CNTNAP2: variants seen among roughly 807,000 people sequenced by gnomAD.
CNTNAP2 encodes contactin-associated protein-like 2.
CNTNAP2 carries 98 observed loss-of-function variants against 155.2 expected under a neutral mutation model. The ratio of observed to expected loss-of-function variants is 0.63; its 90% CI spans 0.54 to 0.75. The LOEUF (loss-of-function observed/expected upper bound fraction) is 0.75, where lower values mean the gene tolerates loss of function less well. CNTNAP2 is among the 30% of genes least tolerant of loss of function. CNTNAP2 has a pLI of 0.00. For missense variants in CNTNAP2, 1,727 were observed against 1,688.1 expected, an observed-to-expected ratio of 1.02 and a Z score of -0.40; for synonymous variants, 651 against 631.2, an observed-to-expected ratio of 1.03 and a Z score of -0.47.
intron 13 of CNTNAP2, among the ~76,000 whole-genome samples, chr7:147,772,659 C>T (rs1489155657): frequency 6.6e-6 from 1 of 151,478 alleles, no homozygotes; most frequent in Non-Finnish European, 1.5e-5. Flanking sequence ...TCTCTGACAC[C>T]ATTGCCTTCT....
chr7:147,031,520 A>G (rs1799032096), intron 3 of CNTNAP2, among the ~76,000 whole-genome samples: 1 of 152,230 alleles, frequency 6.6e-6, no homozygotes, highest in Admixed American at 6.5e-5. Flanking sequence ...ACACAGAAAA[A>G]TAGAAATGTG....
In CNTNAP2 at chr7:146,565,541, T is replaced by G. The variant is rs143557705; in HGVS notation, c.98-208730T>G. On this transcript the variant is annotated intron_variant, in intron 1 of 23. Coordinates refer to ENST00000361727, the MANE Select transcript of CNTNAP2 (RefSeq NM_014141.6). ...AAGGAACTCACATTGCTACGCTTTT[T>G]TATTCTGTTTGAAGTGATTTGCTTT... Among the ~76,000 whole-genome samples, 635 of 152,310 alleles carry G rather than the reference T, an allele frequency of 4.2e-3. 8 individuals are homozygous for G. Among genetic ancestry groups the G allele is most frequent in the African/African-American group, 0.014 (598 of 41,578 alleles).
At chr7:147,778,031 G>T (rs542492553) in intron 13 of CNTNAP2, among the ~76,000 whole-genome samples, 3 of 151,902 alleles carry the variant, frequency 2.0e-5, no homozygotes, top group African/African-American at 7.3e-5. Flanking sequence ...CTCTCCTATG[G>T]AACTTTTTAC....
intron 13 of CNTNAP2, among the ~76,000 whole-genome samples, chr7:147,670,735 G>A (rs1464509957): frequency 2.0e-5 from 3 of 152,086 alleles, no homozygotes; most frequent in Admixed American, 1.3e-4. Context: ...TAAAATCCCC[G>A]ACAGTTGCCA....
At chr7:148,283,330 A>G (rs1027195060) in intron 21 of CNTNAP2, among the ~76,000 whole-genome samples, 3 of 128,790 alleles carry the variant, frequency 2.3e-5, no homozygotes, top group Non-Finnish European at 4.9e-5. Context: ...GAAAGAAAGA[A>G]AGAATTCTTA....
At chr7:146,780,548 G>A (rs1317238972) in intron 2 of CNTNAP2, among the ~76,000 whole-genome samples, 1 of 151,974 alleles carries the variant, frequency 6.6e-6, no homozygotes, top group Non-Finnish European at 1.5e-5. Context: ...TCTCATTGTG[G>A]TTTGATTTGC....
intron 8 of CNTNAP2, among the ~76,000 whole-genome samples, chr7:147,165,929 T>C (rs1802104855): frequency 6.6e-6 from 1 of 152,124 alleles, no homozygotes; most frequent in Non-Finnish European, 1.5e-5. Flanking sequence ...ACACTGCTGG[T>C]GGGAATGTAA....
chr7:147,225,862 AGAAGGAAGGAGGGAAAGAAGGAAG>A (rs1464260145), intron 8 of CNTNAP2, among the ~76,000 whole-genome samples: 5 of 132,356 alleles, frequency 3.8e-5, no homozygotes, highest in African/African-American at 1.4e-4. Context: ...AAGGAGGGAA[AGAAGGAAGGAGGGAAAGAAGGAAG>A]GAAGGAAGGA....
intron 1 of CNTNAP2, among the ~76,000 whole-genome samples, chr7:146,324,811 T>G (rs1372710405): frequency 6.6e-6 from 1 of 152,006 alleles, no homozygotes; most frequent in East Asian, 1.9e-4. Flanking sequence ...ATAAAACTAT[T>G]TTATCAAAAC....
At chr7:147,616,758 T>C (rs374977225) in intron 12 of CNTNAP2, among the ~76,000 whole-genome samples, 2 of 152,308 alleles carry the variant, frequency 1.3e-5, no homozygotes, top group South Asian at 4.1e-4. Context: ...CTGCTTCCCA[T>C]GTTTGAAACT....
At chr7:147,563,696 T>C (rs1186308614) in intron 12 of CNTNAP2, among the ~76,000 whole-genome samples, 1 of 152,178 alleles carries the variant, frequency 6.6e-6, no homozygotes, top group Admixed American at 6.5e-5. Flanking sequence ...AACTGAATTA[T>C]ATGCAGCCCA....
intron 13 of CNTNAP2, among the ~76,000 whole-genome samples, chr7:147,825,907 A>G (rs894794076): frequency 6.6e-6 from 1 of 152,146 alleles, no homozygotes; most frequent in African/African-American, 2.4e-5. Flanking sequence ...AAAATATAAG[A>G]AAAAGGGCAA....
At chr7:146,847,149 G>A (rs979639523) in intron 3 of CNTNAP2, among the ~76,000 whole-genome samples, 1 of 151,668 alleles carries the variant, frequency 6.6e-6, no homozygotes, top group African/African-American at 2.4e-5. Context: ...TTGATAAATG[G>A]GTACCTACAA....
intron 1 of CNTNAP2, among the ~76,000 whole-genome samples, chr7:146,125,945 A>G (rs756375544): frequency 7.2e-5 from 11 of 152,178 alleles, no homozygotes; most frequent in Admixed American, 2.6e-4. Flanking sequence ...TTCTGCTTGT[A>G]TTACGTAAAT....
chr7:146,636,778 G>A (rs207468744), intron 1 of CNTNAP2, among the ~76,000 whole-genome samples: 1 of 152,306 alleles, frequency 6.6e-6, no homozygotes, highest in East Asian at 1.9e-4. Context: ...CTGACATTGA[G>A]ACCCTGCTCT....
At chr7:148,359,090 C>T (rs1798572562) in intron 21 of CNTNAP2, among the ~76,000 whole-genome samples, 1 of 152,328 alleles carries the variant, frequency 6.6e-6, no homozygotes, top group Admixed American at 6.5e-5. Flanking sequence ...TGTAGATACA[C>T]AAATACTACC....
At chr7:146,836,182 A>G (rs1562967540) in intron 2 of CNTNAP2, among the ~76,000 whole-genome samples, 2 of 152,190 alleles carry the variant, frequency 1.3e-5, no homozygotes, top group African/African-American at 2.4e-5. Context: ...TAGATACTTA[A>G]ATTTTTCCAA....
chr7:147,615,277 C>CAAAAAA (rs58247626), intron 12 of CNTNAP2, among the ~76,000 whole-genome samples: 6 of 28,046 alleles, frequency 2.1e-4, no homozygotes, highest in Non-Finnish European at 2.4e-4. Flanking sequence ...GACCCTGTCT[C>CAAAAAA]AAAAAAAAAA....
intron 15 of CNTNAP2, among the ~76,000 whole-genome samples, chr7:148,081,313 A>T (rs1331899311): frequency 2.0e-5 from 3 of 152,076 alleles, no homozygotes; most frequent in Non-Finnish European, 4.4e-5. Context: ...AAGGATGCAA[A>T]GTATTGATCT....
Sources: gnomAD v4.1 joint callset for allele counts (sites outside exome capture counted in the v4.1 genomes callset) on GRCh38, gnomAD v4.1.1 for gene constraint, MANE v1.5 for transcripts, NCBI Gene and HGNC (gene_info 2026-07-23, HGNC 2026-07-21) for gene names.